The following CAMKMT variants were observed in gnomAD, a reference collection of about 807,000 sequenced individuals.
CAMKMT encodes CaM KMT.
Under a neutral mutation model 48.0 loss-of-function variants are expected in CAMKMT, and 53 were observed. That is an observed-to-expected ratio of 1.10 (90% confidence interval 0.89 to 1.39). CAMKMT has a LOEUF of 1.39. Among genes scored for constraint, CAMKMT ranks in the 40% most tolerant of loss-of-function variants. CAMKMT has a pLI of 0.00. For synonymous variants in CAMKMT, 165 were observed against 152.3 expected (o/e 1.08, Z -0.61); for missense variants, 428 against 402.7 (o/e 1.06, Z -0.54).
chr2:44,600,093 A>G (rs1670894928), intron 3 of CAMKMT, among the ~76,000 whole-genome samples: 1 of 152,074 alleles, frequency 6.6e-6, no homozygotes, highest in Non-Finnish European at 1.5e-5. Flanking sequence ...GCTGTTAGTT[A>G]TTTCTGTATT....
intron 3 of CAMKMT, among the ~76,000 whole-genome samples, chr2:44,606,148 T>C (rs1671267490): frequency 6.6e-6 from 1 of 152,154 alleles, no homozygotes; most frequent in Admixed American, 6.5e-5. Context: ...AAATCAGCTG[T>C]CTACTACTTT....
intron 3 of CAMKMT, among the ~76,000 whole-genome samples, chr2:44,452,877 T>C (rs1277337502): frequency 6.6e-6 from 1 of 151,980 alleles, no homozygotes; most frequent in Non-Finnish European, 1.5e-5. Context: ...TTGGATGCCT[T>C]TGGGGTTGTG....
At chr2:44,509,266 T>G (rs1008666531) in intron 3 of CAMKMT, among the ~76,000 whole-genome samples, 3 of 152,142 alleles carry the variant, frequency 2.0e-5, no homozygotes, top group African/African-American at 7.2e-5. Flanking sequence ...TGTTTTTAAC[T>G]TTTAGTTATT....
intron 3 of CAMKMT, among the ~76,000 whole-genome samples, chr2:44,468,426 T>A (rs1041745060): frequency 7.2e-5 from 11 of 152,220 alleles, no homozygotes; most frequent in Non-Finnish European, 4.4e-5. Flanking sequence ...ACAGCCATTA[T>A]GGAAAACAGT....
chr2:44,545,311 A>C (rs965114816), intron 3 of CAMKMT, among the ~76,000 whole-genome samples: 1 of 152,244 alleles, frequency 6.6e-6, no homozygotes, highest in Non-Finnish European at 1.5e-5. Context: ...ATAAACATAT[A>C]ATAAGAGAAA....
intron 3 of CAMKMT, among the ~76,000 whole-genome samples, chr2:44,690,045 C>A (rs1676555810): frequency 6.6e-6 from 1 of 152,136 alleles, no homozygotes; most frequent in Admixed American, 6.5e-5. Context: ...ATTTAATTAA[C>A]AAAGGTAGTT....
At chr2:44,689,885 GA>G (rs925104796) in intron 3 of CAMKMT, among the ~76,000 whole-genome samples, 1 of 152,040 alleles carries the variant, frequency 6.6e-6, no homozygotes, top group Non-Finnish European at 1.5e-5. Context: ...TTCTTCTGAG[GA>G]AAAAAATACA....
chr2:44,627,793 G>A lies in CAMKMT; in HGVS notation c.377-76490G>A, dbSNP rs111791401. Among the ~76,000 whole-genome samples the A allele has an allele frequency of 2.3e-3, 298 of 131,038 alleles. 1 individual carries two copies. In the Middle Eastern group the frequency reaches 0.032, roughly 14 times the overall value. 86.0% of individuals were successfully genotyped at this position (131,038 alleles called of 152,430 possible). On this transcript the variant is annotated intron_variant, in intron 3 of 10. Coordinates refer to ENST00000378494, the MANE Select transcript of CAMKMT (RefSeq NM_024766.5). Reference sequence around the variant, plus strand: ...GGTGCAATCTCAGACTCTGCCTCCCGGATTCAAGCGATTCTCATTCCTCAG... The same window carrying A: ...GGTGCAATCTCAGACTCTGCCTCCCAGATTCAAGCGATTCTCATTCCTCAG...
At chr2:44,650,229 T>C (rs1673982792) in intron 3 of CAMKMT, among the ~76,000 whole-genome samples, 1 of 152,194 alleles carries the variant, frequency 6.6e-6, no homozygotes, top group Non-Finnish European at 1.5e-5. Context: ...TGTCAATCTT[T>C]GGCGTCCCTG....
At chr2:44,436,238 G>A (rs1227854399) in intron 3 of CAMKMT, among the ~76,000 whole-genome samples, 1 of 152,018 alleles carries the variant, frequency 6.6e-6, no homozygotes, top group East Asian at 1.9e-4. Flanking sequence ...ACCATGCCCA[G>A]CAAATTTTTT....
Position 44,707,426 on chromosome 2 carries a change from G to A in CAMKMT, c.520G>A (p.Val174Ile), listed in dbSNP as rs773614291. 1.2e-6 allele frequency: 2 copies of A among 1,612,208 alleles called. No homozygotes were observed. The highest frequency in any genetic ancestry group is 2.2e-5 in the South Asian group (2 of 90,932). ...MVAISADVKE[V>I]LLTDGNEKAI... ...TGCTATTTCTGCAGATGTCAAAGAA[G>A]TTCTGTTAACTGATGGGAATGAAAA... The change falls in exon 6 of 11, where the codon GTT (valine) becomes ATT (isoleucine). Residue 174 changes from valine to isoleucine, a missense_variant. Coordinates refer to ENST00000378494, the MANE Select transcript of CAMKMT (RefSeq NM_024766.5).
chr2:44,736,147 T>C (rs1427181564), intron 7 of CAMKMT, among the ~76,000 whole-genome samples: 1 of 152,226 alleles, frequency 6.6e-6, no homozygotes, highest in Non-Finnish European at 1.5e-5. Flanking sequence ...TTCCATCTGA[T>C]ATAATTTTTC....
chr2:44,594,567 T>C (rs79542623), intron 3 of CAMKMT, among the ~76,000 whole-genome samples: 97,835 of 152,036 alleles, frequency 0.64, 31,980 homozygotes, highest in Admixed American at 0.71. Flanking sequence ...GGGGAAAGGA[T>C]TCCCTATTTA....
chr2:44,741,757 G>A (rs1432651174), intron 7 of CAMKMT, among the ~76,000 whole-genome samples: 3 of 152,200 alleles, frequency 2.0e-5, no homozygotes, highest in African/African-American at 7.2e-5. Context: ...TACAGCTGCT[G>A]TGGGAATCCA....
At chr2:44,616,656 T>G (rs1457292449) in intron 3 of CAMKMT, among the ~76,000 whole-genome samples, 1 of 152,188 alleles carries the variant, frequency 6.6e-6, no homozygotes, top group Non-Finnish European at 1.5e-5. Flanking sequence ...TCCTCTGAAC[T>G]GAGTCACCTC....
chr2:44,501,958 A>G (rs1449823117), intron 3 of CAMKMT, among the ~76,000 whole-genome samples: 1 of 152,222 alleles, frequency 6.6e-6, no homozygotes, highest in Non-Finnish European at 1.5e-5. Flanking sequence ...TGTAAAGGCT[A>G]TGTAAGGCTT....
At chr2:44,528,785 G>A (rs1666309579) in intron 3 of CAMKMT, among the ~76,000 whole-genome samples, 1 of 151,994 alleles carries the variant, frequency 6.6e-6, no homozygotes, top group African/African-American at 2.4e-5. Flanking sequence ...TTTGCTTATT[G>A]CATCTCTGTG....
At chr2:44,518,550 T>A (rs1235416786) in intron 3 of CAMKMT, among the ~76,000 whole-genome samples, 1 of 152,206 alleles carries the variant, frequency 6.6e-6, no homozygotes, top group Non-Finnish European at 1.5e-5. Flanking sequence ...GTCAACTCAA[T>A]TAAATTATTT....
At position 44,728,086 on chromosome 2, in the gene CAMKMT, GTATTTT is replaced by G. The variant is rs1437290992; in HGVS notation, c.623+12747_623+12752del. ...TATAGGTGTGTGCCACCACACCAGG[GTATTTT>G]TATTTTTATTTTTTGTAGAGACAGG... On this transcript the variant is annotated intron_variant, in intron 7 of 10. Transcript: ENST00000378494. Among the ~76,000 whole-genome samples, 6 of 151,866 alleles carry G rather than the reference GTATTTT, an allele frequency of 4.0e-5. No individual in the cohort carries two copies. The East Asian group carries it at 1.2e-3, about 29-fold the overall frequency.
Sources: allele counts gnomAD v4.1 joint callset (sites outside exome capture counted in the v4.1 genomes callset), GRCh38; gene constraint gnomAD v4.1.1; transcripts MANE v1.5; gene names NCBI Gene and HGNC (gene_info 2026-07-23, HGNC 2026-07-21).